The following PRG4 variants were observed in gnomAD, a reference collection of about 807,000 sequenced individuals.
PRG4 encodes the protein proteoglycan 4, also known as articular superficial zone protein.
In PRG4, 61 loss-of-function variants were observed where a neutral mutation model predicts 91.2. The ratio of observed to expected loss-of-function variants is 0.67; its 90% CI spans 0.54 to 0.83. The LOEUF is 0.83. Among genes scored for constraint, PRG4 ranks in the 40% least tolerant of loss-of-function variants. The probability of loss-of-function intolerance (pLI) is 0.00; values close to 1 mark genes in which losing one functional copy is unlikely to be tolerated. For missense variants in PRG4, 1,564 were observed against 1,714.2 expected (o/e 0.91, Z 1.55); for synonymous variants, 576 against 614.2 (o/e 0.94, Z 0.92).
chr1:186,307,753 G>C lies in PRG4; in HGVS notation c.2034G>C (p.Lys678Asn). Residue 678 changes from lysine (K) to asparagine (N), a missense_variant, in exon 7 of 13, where the codon AAG (lysine) becomes AAC (asparagine). Physicochemically the swap from Lys to Asn is moderately conservative, Grantham distance 94 (BLOSUM62 0). Around this residue, in one of 3 missense-constraint regions of PRG4, gnomAD observed 1,079 missense variants for 1,162.2 expected, o/e 0.93. Coordinates refer to ENST00000445192, the MANE Select transcript of PRG4 (RefSeq NM_005807.6). ...TPKAAAPNTP[K>N]EPAPTTPKEP... The stretch of plus-strand genomic sequence containing the variant: ...AGGCAGCGGCTCCCAACACCCCTAA[G>C]GAGCCTGCTCCAACTACCCCTAAGG... The C allele has an allele frequency of 1.1e-5, 17 of 1,609,274 alleles. No homozygotes were observed. The highest frequency in any genetic ancestry group is 1.3e-5 in the Non-Finnish European group (15 of 1,178,166).
In PRG4 at chr1:186,310,884, C is replaced by T. The variant is rs557097538; in HGVS notation, c.3500-150C>T. 88 of 831,360 alleles carry T rather than the reference C, an allele frequency of 1.1e-4. No homozygotes were observed. The African/African-American group carries it at 1.4e-3, about 13-fold the overall frequency. 51.5% of individuals were successfully genotyped at this position (831,360 alleles called of 1,614,324 possible). A position where few individuals can be genotyped will look rare whatever the true frequency, so the allele number is the denominator to read the frequency against. ...AAATTTCGGACTTGGGAAATACCTG[C>T]TCTCAGAAATGTTCAAATACTACCT... is the stretch of plus-strand genomic sequence containing the variant. On this transcript the variant is annotated intron_variant, in intron 8 of 12. Coordinates refer to ENST00000445192, the MANE Select transcript of PRG4 (RefSeq NM_005807.6).
intron 2 of PRG4, 66 bp from the exon 3 acceptor site, chr1:186,300,022 CCCT>C: frequency 6.3e-7 from 1 of 1,574,976 alleles, no homozygotes; most frequent in Non-Finnish European, 8.7e-7. Context: ...GGCTTTGTCC[CCCT>C]CGTTAGATTG....
chr1:186,310,282 G>C (rs1478165651), intron 8 of PRG4, among the ~76,000 whole-genome samples: 1 of 152,106 alleles, frequency 6.6e-6, no homozygotes, highest in African/African-American at 2.4e-5. Context: ...CTCTGTCGGA[G>C]AGTAACAGAA....
intron 2 of PRG4, among the ~76,000 whole-genome samples, 157 bp downstream of exon 2, chr1:186,297,108 G>A (rs1007540182): frequency 6.6e-6 from 1 of 152,154 alleles, no homozygotes; most frequent in Non-Finnish European, 1.5e-5. Context: ...TAGCCTGTTT[G>A]TAAGTGCTTT....
At chr1:186,302,400 G>T (rs572239121) in intron 4 of PRG4, among the ~76,000 whole-genome samples, 3 of 152,266 alleles carry the variant, frequency 2.0e-5, no homozygotes, top group South Asian at 4.1e-4. Context: ...TACAGAAAAA[G>T]ATTTTAAAAA....
Position 186,308,796 on chromosome 1 carries a change from A to G in PRG4, c.3077A>G (p.Lys1026Arg), listed in dbSNP as rs1656946046. Residue 1026 changes from lysine to arginine, a missense_variant, in exon 7 of 13, where the codon AAA becomes AGA. Transcript: ENST00000445192. ...ATTPKPQKPT[K>R]APKKPTSTKK... Reference sequence around the variant, plus strand: ...ACTCCTAAACCTCAAAAGCCAACCAAAGCACCCAAAAAACCCACTTCTACC... The same window carrying G: ...ACTCCTAAACCTCAAAAGCCAACCAGAGCACCCAAAAAACCCACTTCTACC... The G allele has an allele frequency of 2.5e-6, 4 of 1,613,770 alleles. No homozygotes were observed. The African/African-American group carries it at 4.0e-5, about 16-fold the overall frequency.
Position 186,307,258 on chromosome 1 carries a change from G to T in PRG4, c.1539G>T (p.Glu513Asp). The change falls in exon 7 of 13, where the codon GAG (glutamate) becomes GAT (aspartate). Residue 513 changes from glutamate to aspartate, a missense_variant. Glu to Asp is a conservative substitution (Grantham distance 45, BLOSUM62 2). Coordinates refer to ENST00000445192, the MANE Select transcript of PRG4 (RefSeq NM_005807.6). ...AGCCTGCACCCACCACCACCAAGGAGCCTTCACCCACCACTCCCAAGGAGC... is the reference window on the plus strand; with the variant it reads ...AGCCTGCACCCACCACCACCAAGGATCCTTCACCCACCACTCCCAAGGAGC... ...PKEPAPTTTK[E>D]PSPTTPKEPA... 6.3e-7 allele frequency: 1 copy of T among 1,576,552 alleles called. No homozygotes were observed. The highest frequency in any genetic ancestry group is 8.6e-7 in the Non-Finnish European group (1 of 1,167,092).
intron 2 of PRG4, among the ~76,000 whole-genome samples, chr1:186,299,293 G>T (rs771390636): frequency 1.4e-4 from 21 of 152,220 alleles, no homozygotes; most frequent in Non-Finnish European, 2.6e-4. Context: ...TTCAGCAGTG[G>T]TTGTAAGCAT....
rs1250274278 is a variant in PRG4 at position 186,304,941 on chromosome 1, A to T, written c.598+19A>T. ...CTCAAAGGTTTGAGCATTGATAAAG[A>T]TCAAAGACTGTATCAATGCCATATT... is the stretch of plus-strand genomic sequence containing the variant. On this transcript the variant is annotated intron_variant, in intron 6 of 12. Transcript: ENST00000445192. The T allele has an allele frequency of 6.2e-7, 1 of 1,609,708 alleles. No homozygotes were observed. The highest frequency in any genetic ancestry group is 1.1e-5 in the South Asian group (1 of 90,736).
At chr1:186,305,241 C>A (rs928671656) in intron 6 of PRG4, among the ~76,000 whole-genome samples, 1 of 152,192 alleles carries the variant, frequency 6.6e-6, no homozygotes, top group East Asian at 1.9e-4. Context: ...TCTTCTCCTT[C>A]ATCTTCCTTG....
At chr1:186,311,358 C>G in intron 9 of PRG4, 82 bp from the exon 10 acceptor site, 2 of 1,478,910 alleles carry the variant, frequency 1.4e-6, no homozygotes, top group East Asian at 4.5e-5. Context: ...TTAACACGTT[C>G]TCTCTATACT....
At chr1:186,312,127 T>C (rs373568605) in intron 10 of PRG4, 48 bp from the exon 11 acceptor site, 1 of 1,541,162 alleles carries the variant, frequency 6.5e-7, no homozygotes, top group African/African-American at 1.4e-5. Context: ...TTTCTGAGGG[T>C]ATTAAAATTA....
intron 5 of PRG4, among the ~76,000 whole-genome samples, chr1:186,304,513 C>CA (rs1166281406): frequency 6.6e-6 from 1 of 152,086 alleles, no homozygotes; most frequent in Admixed American, 6.5e-5. Flanking sequence ...CTATAAAAAA[C>CA]AAAAACCACC....
In PRG4 at chr1:186,304,116, C is replaced by A. The variant is rs1426969040; in HGVS notation, c.328C>A (p.Pro110Thr). 1 of 1,614,064 alleles carries A rather than the reference C, an allele frequency of 6.2e-7. No homozygotes were observed. Among genetic ancestry groups the A allele is most frequent in the African/African-American group, 1.3e-5 (1 of 75,032 alleles). The change falls in exon 5 of 13, where the codon CCC becomes ACC. Residue 110 changes from proline (P) to threonine (T), a missense_variant. Pro to Thr is a conservative substitution (Grantham distance 38, BLOSUM62 -1). Around this residue, in one of 3 missense-constraint regions of PRG4, gnomAD observed 437 missense variants for 459.0 expected, o/e 0.95. Transcript: ENST00000445192. ...GTCTTACTTGGCCTCAGTGCATAAT[C>A]CCACATCACCACCATCTTCAAAGAA... ...YESFCAEVHN[P>T]TSPPSSKKAP...
intron 4 of PRG4, 128 bp from the exon 5 acceptor site, chr1:186,303,980 C>T (rs559048642): frequency 1.5e-4 from 145 of 955,460 alleles, no homozygotes; most frequent in Non-Finnish European, 2.1e-4. Flanking sequence ...TCGTGTTGAG[C>T]TGGAGCCTGC....
intron 3 of PRG4, 39 bp from the exon 4 acceptor site, chr1:186,301,553 C>T: frequency 1.2e-6 from 2 of 1,612,856 alleles, no homozygotes; most frequent in South Asian, 1.1e-5. Flanking sequence ...CCTGGCTTCA[C>T]AATGAATAAT....
chr1:186,297,396 T>C (rs899449792), intron 2 of PRG4, among the ~76,000 whole-genome samples: 6 of 152,340 alleles, frequency 3.9e-5, no homozygotes, highest in African/African-American at 1.4e-4. Flanking sequence ...AGATACCATA[T>C]TATAATAAAC....
Position 186,313,904 on chromosome 1 carries a change from CTT to C in PRG4, c.*127_*128del, listed in dbSNP as rs1657468861. On this transcript the variant is annotated 3_prime_UTR_variant, in exon 13 of 13. Transcript: ENST00000445192. ...GTTTATATATAAAAATGTTTTTAAA[CTT>C]GACAATCATTACACTAAAACAGATT... 2 of 1,561,340 alleles carry C rather than the reference CTT, an allele frequency of 1.3e-6. No homozygotes were observed. Among genetic ancestry groups the C allele is most frequent in the Middle Eastern group, 3.4e-4 (2 of 5,942 alleles).
chr1:186,308,003 C>G lies in PRG4; in HGVS notation c.2284C>G (p.Pro762Ala). ...TTPKGTAPTT[P>A]KEPAPTTPKE... ...CCCTAAGGGGACTGCTCCAACTACC[C>G]CTAAGGAGCCTGCTCCAACTACCCC... Residue 762 changes from proline (P) to alanine (A), a missense_variant, in exon 7 of 13, where the codon CCT becomes GCT. This residue lies in a region of PRG4 where 1,079 missense variants were observed against 1,162.2 expected (regional missense o/e 0.93). Transcript: ENST00000445192. The G allele has an allele frequency of 6.2e-7, 1 of 1,608,194 alleles. No individual in the cohort carries two copies. Among genetic ancestry groups the G allele is most frequent in the Non-Finnish European group, 8.5e-7 (1 of 1,178,612 alleles).
Sources: gnomAD v4.1 joint callset for allele counts (sites outside exome capture counted in the v4.1 genomes callset) on GRCh38, gnomAD v4.1.1 for gene constraint, gnomAD v4.1.1 regional missense constraint, MANE v1.5 for transcripts, NCBI Gene and HGNC (gene_info 2026-07-23, HGNC 2026-07-21) for gene names.